PDE7B: variants seen among roughly 807,000 people sequenced by gnomAD.
The protein encoded by PDE7B is 3',5'-cyclic-AMP phosphodiesterase 7B.
A neutral mutation model predicts 56.2 loss-of-function variants in PDE7B; 29 were observed. The observed-to-expected ratio is 0.52, with a 90% CI of 0.38 to 0.70. PDE7B has a LOEUF of 0.70. Among genes scored for constraint, PDE7B ranks in the 30% least tolerant of loss-of-function variants. PDE7B has a pLI of 0.00. For synonymous variants in PDE7B, 197 were observed against 196.9 expected, an observed-to-expected ratio of 1.00 and a Z score of 0.00; for missense variants, 490 against 565.0, an observed-to-expected ratio of 0.87 and a Z score of 1.35.
chr6:135,949,712 A>T (rs1369557226), intron 2 of PDE7B, among the ~76,000 whole-genome samples: 1 of 152,044 alleles, frequency 6.6e-6, no homozygotes, highest in African/African-American at 2.4e-5. Context: ...AGATTTCATT[A>T]GTTTGTTAGA....
chr6:136,155,068 G>A (rs906220333), intron 7 of PDE7B, among the ~76,000 whole-genome samples: 4 of 152,036 alleles, frequency 2.6e-5, no homozygotes, highest in Non-Finnish European at 5.9e-5. Flanking sequence ...TTGGATTCCC[G>A]TGTCTCTGCT....
At position 136,067,338 on chromosome 6, in the gene PDE7B, T is replaced by G. The variant is rs537789096; in HGVS notation, c.83-41393T>G. On this transcript the variant is annotated intron_variant, in intron 2 of 12. Coordinates refer to ENST00000308191, the MANE Select transcript of PDE7B (RefSeq NM_018945.4). ...AAATAATCCCAATTCTAAGTGAGAC[T>G]TTATTGAATTTATTTCTGTTTCTCA... 9.8e-5 allele frequency among the ~76,000 whole-genome samples: 15 copies of G among 152,306 alleles called. No individual in the cohort carries two copies. In the South Asian group the frequency reaches 1.9e-3, roughly 19 times the overall value.
rs114525719 is a variant in PDE7B at position 136,173,539 on chromosome 6, T to C, written c.712-258T>C. On this transcript the variant is annotated intron_variant, in intron 8 of 12. Transcript: ENST00000308191. Reference sequence around the variant, plus strand: ...GAAGAGGGGCAGAGGCAGGAGTGAATGATGCTGGAAATAGATCCTCATTCA... The same window carrying C: ...GAAGAGGGGCAGAGGCAGGAGTGAACGATGCTGGAAATAGATCCTCATTCA... 4.8e-3 allele frequency among the ~76,000 whole-genome samples: 731 copies of C among 152,308 alleles called. 5 individuals are homozygous for C. The highest frequency in any genetic ancestry group is 0.017 in the African/African-American group (705 of 41,570).
chr6:135,911,244 T>A (rs1416080349), intron 1 of PDE7B, among the ~76,000 whole-genome samples: 1 of 152,194 alleles, frequency 6.6e-6, no homozygotes. Flanking sequence ...AGGTGATCCA[T>A]TAAATCTCCA....
At chr6:135,963,288 C>T (rs529932888) in intron 2 of PDE7B, among the ~76,000 whole-genome samples, 1 of 152,270 alleles carries the variant, frequency 6.6e-6, no homozygotes, top group East Asian at 1.9e-4. Context: ...TGCACATTTC[C>T]AAGTTCAAGA....
At chr6:135,961,255 A>ATGTGTGTGTGTGTGTGTGTGTG (rs961322926) in intron 2 of PDE7B, among the ~76,000 whole-genome samples, 34 of 146,078 alleles carry the variant, frequency 2.3e-4, no homozygotes, top group African/African-American at 8.3e-4. Flanking sequence ...TAGAGTGTAT[A>ATGTGTGTGTGTGTGTGTGTGTG]TGTGTGTGTG....
chr6:136,127,679 C>T (rs963665524), intron 3 of PDE7B, among the ~76,000 whole-genome samples: 3 of 152,000 alleles, frequency 2.0e-5, no homozygotes, highest in Non-Finnish European at 2.9e-5. Context: ...GTCTGAAATT[C>T]GATATAATTA....
intron 2 of PDE7B, among the ~76,000 whole-genome samples, chr6:136,016,293 T>C (rs1775975827): frequency 6.6e-6 from 1 of 152,214 alleles, no homozygotes; most frequent in Non-Finnish European, 1.5e-5. Flanking sequence ...TGGTAGGTTC[T>C]TTCTGATTCA....
intron 1 of PDE7B, among the ~76,000 whole-genome samples, chr6:135,925,882 C>T (rs1244417219): frequency 6.6e-6 from 1 of 151,844 alleles, no homozygotes. Context: ...CCCTTTTGTT[C>T]GTTTGTGTGT....
At chr6:136,058,028 C>A (rs919582706) in intron 2 of PDE7B, among the ~76,000 whole-genome samples, 7 of 152,132 alleles carry the variant, frequency 4.6e-5, no homozygotes, top group Admixed American at 2.6e-4. Flanking sequence ...TGAGGCACTG[C>A]GCCCGCCTCT....
At chr6:136,008,343 A>G (rs980882210) in intron 2 of PDE7B, among the ~76,000 whole-genome samples, 2 of 152,224 alleles carry the variant, frequency 1.3e-5, no homozygotes, top group Admixed American at 6.5e-5. Flanking sequence ...CTTTGGGTAT[A>G]TACCCAGTAA....
intron 1 of PDE7B, among the ~76,000 whole-genome samples, chr6:135,868,942 C>T (rs2128186200): frequency 6.6e-6 from 1 of 152,144 alleles, no homozygotes; most frequent in East Asian, 1.9e-4. Context: ...TCTGTGTTTC[C>T]TACTGCTGAA....
intron 2 of PDE7B, among the ~76,000 whole-genome samples, chr6:135,966,305 C>T (rs1248981063): frequency 6.6e-6 from 1 of 151,414 alleles, no homozygotes; most frequent in African/African-American, 2.4e-5. Flanking sequence ...CTGTTTTTCT[C>T]TCTTTGACTC....
intron 1 of PDE7B, among the ~76,000 whole-genome samples, chr6:135,855,250 A>C (rs565545009): frequency 5.0e-4 from 76 of 152,318 alleles, no homozygotes; most frequent in Non-Finnish European, 5.4e-4. Context: ...GAAGTGTCAA[A>C]CCTTTATTCC....
intron 2 of PDE7B, among the ~76,000 whole-genome samples, chr6:136,041,918 C>T (rs1253720794): frequency 6.6e-6 from 1 of 152,068 alleles, no homozygotes; most frequent in East Asian, 1.9e-4. Flanking sequence ...AACTCTGGTC[C>T]ACAGAACTCA....
rs1344992689 is a variant in PDE7B, at chr6:136,108,084, G to A, written c.83-647G>A. Among the ~76,000 whole-genome samples, 3 of 135,804 alleles carry A rather than the reference G, an allele frequency of 2.2e-5. No individual in the cohort carries two copies. The East Asian group carries it at 6.5e-4, about 29-fold the overall frequency. 89.1% of individuals were successfully genotyped at this position (135,804 alleles called of 152,430 possible). On this transcript the variant is annotated intron_variant, in intron 2 of 12. Coordinates refer to ENST00000308191, the MANE Select transcript of PDE7B (RefSeq NM_018945.4). ...AGAGGTTGCAGTGAGCCAAGATCGTGCCACTGCACTCCAACCTGGCAACAA... is the reference window on the plus strand; with the variant it reads ...AGAGGTTGCAGTGAGCCAAGATCGTACCACTGCACTCCAACCTGGCAACAA...
In PDE7B at chr6:135,944,357, CTGGA is replaced by C. The variant is rs554755835; in HGVS notation, c.22-3105_22-3102del. 4.4e-3 allele frequency among the ~76,000 whole-genome samples: 674 copies of C among 152,152 alleles called. 3 individuals are homozygous for C. The highest frequency in any genetic ancestry group is 6.7e-3 in the Admixed American group (103 of 15,286). ...GCAAGCAGGAGCCTGGCAGCGAAGGCTGGATAAACACTGGCATCAACAGGAAAAA... is the reference window on the plus strand; with the variant it reads ...GCAAGCAGGAGCCTGGCAGCGAAGGCTAAACACTGGCATCAACAGGAAAAA... On this transcript the variant is annotated intron_variant, in intron 1 of 12. Coordinates refer to ENST00000308191, the MANE Select transcript of PDE7B (RefSeq NM_018945.4).
rs761193044 is a variant in PDE7B at position 136,173,772 on chromosome 6, TAA to T, written c.712-24_712-23del. The stretch of plus-strand genomic sequence containing the variant: ...CAGTATCTGGCTTCCCTCTCATTTA[TAA>T]CTCTTATTTTCTTTCTTTCTAGAAT... On this transcript the variant is annotated intron_variant, in intron 8 of 12. Transcript: ENST00000308191. The T allele has an allele frequency of 6.0e-4, 874 of 1,461,776 alleles. 9 individuals are homozygous for T. Among genetic ancestry groups the T allele is most frequent in the Non-Finnish European group, 2.1e-4 (223 of 1,044,030 alleles). The allele number at this position is 1,461,776 out of a possible 1,614,324, so 90.6% of individuals were successfully genotyped here. A position where few individuals can be genotyped will look rare whatever the true frequency, so the allele number is the denominator to read the frequency against.
intron 2 of PDE7B, among the ~76,000 whole-genome samples, chr6:135,977,273 C>G (rs1000625543): frequency 2.6e-5 from 4 of 152,036 alleles, no homozygotes; most frequent in African/African-American, 9.7e-5. Flanking sequence ...ATCTAGGGAT[C>G]CAGACCTGAT....
Sources: gnomAD v4.1 joint callset for allele counts (sites outside exome capture counted in the v4.1 genomes callset) on GRCh38, gnomAD v4.1.1 for gene constraint, MANE v1.5 for transcripts, NCBI Gene and HGNC (gene_info 2026-07-23, HGNC 2026-07-21) for gene names.